ADCY8: variants seen among roughly 807,000 people sequenced by gnomAD.
The protein encoded by ADCY8 is adenylate cyclase type 8.
A neutral mutation model predicts 119.7 loss-of-function variants in ADCY8; 51 were observed. The ratio of observed to expected loss-of-function variants is 0.43; its 90% CI spans 0.34 to 0.54. The LOEUF (loss-of-function observed/expected upper bound fraction) is 0.54, where lower values mean the gene tolerates loss of function less well. ADCY8 is among the 20% of genes least tolerant of loss of function. ADCY8 has a pLI of 0.03. For synonymous variants in ADCY8, 665 were observed against 651.0 expected, an observed-to-expected ratio of 1.02 and a Z score of -0.33; for missense variants, 1,383 against 1,598.8, an observed-to-expected ratio of 0.87 and a Z score of 2.30.
intron 5 of ADCY8, among the ~76,000 whole-genome samples, chr8:130,926,082 T>C (rs1820457692): frequency 2.0e-5 from 3 of 152,190 alleles, no homozygotes; most frequent in Non-Finnish European, 2.9e-5. Flanking sequence ...CCTAACCCTA[T>C]TGTTTTAATT....
chr8:130,792,380 G>A (rs1397388399), intron 15 of ADCY8, among the ~76,000 whole-genome samples: 1 of 152,136 alleles, frequency 6.6e-6, no homozygotes, highest in African/African-American at 2.4e-5. Flanking sequence ...TCTTACAGCT[G>A]TAAATACAAT....
intron 1 of ADCY8, among the ~76,000 whole-genome samples, chr8:131,032,703 G>A (rs529611009): frequency 2.4e-4 from 36 of 152,270 alleles, no homozygotes; most frequent in Non-Finnish European, 4.4e-4. Flanking sequence ...TCTGGCTTCC[G>A]AAGCACTGCT....
chr8:130,830,111 T>C (rs999654260), intron 12 of ADCY8, among the ~76,000 whole-genome samples: 1 of 152,120 alleles, frequency 6.6e-6, no homozygotes, highest in East Asian at 1.9e-4. Context: ...TAAGAAGAAA[T>C]TACTTAGGCA....
intron 1 of ADCY8, among the ~76,000 whole-genome samples, chr8:130,992,408 T>C (rs1236106842): frequency 9.0e-5 from 3 of 33,208 alleles, no homozygotes; most frequent in African/African-American, 3.6e-4. Context: ...TATATATATA[T>C]ATATATATAT....
Position 131,040,370 on chromosome 8 carries a change from G to T in ADCY8, c.-37C>A. On this transcript the variant is annotated 5_prime_UTR_variant, in exon 1 of 18. Transcript: ENST00000286355. The stretch of plus-strand genomic sequence containing the variant: ...GCAGGGAAGGAGGCCCAGAACCTTG[G>T]GGAGGCAGCCGGAGGAGGGGTTCCT... 1 of 1,455,582 alleles carries T rather than the reference G, an allele frequency of 6.9e-7. No homozygotes were observed. 90.2% of individuals were successfully genotyped at this position (1,455,582 alleles called of 1,614,324 possible).
intron 8 of ADCY8, among the ~76,000 whole-genome samples, chr8:130,869,856 T>G (rs1377986553): frequency 1.3e-5 from 2 of 151,926 alleles, no homozygotes; most frequent in African/African-American, 4.8e-5. Context: ...TTGCGTAGAT[T>G]TGATAATGAA....
rs191205966 is a variant in ADCY8, at chr8:130,979,811, C to T, written c.1110+10582G>A. Among the ~76,000 whole-genome samples, 7 of 152,198 alleles carry T rather than the reference C, an allele frequency of 4.6e-5. No individual in the cohort carries two copies. The East Asian group carries it at 7.7e-4, about 17-fold the overall frequency. On this transcript the variant is annotated intron_variant, in intron 2 of 17. Transcript: ENST00000286355. Reference sequence around the variant, plus strand: ...CACATAGTAAATGCTATATCAGAGCCAGTCACTGTTACTTCCATCCAGGCA... The same window carrying T: ...CACATAGTAAATGCTATATCAGAGCTAGTCACTGTTACTTCCATCCAGGCA...
intron 1 of ADCY8, among the ~76,000 whole-genome samples, chr8:130,998,911 A>AT (rs1263202300): frequency 6.6e-6 from 1 of 152,296 alleles, no homozygotes; most frequent in East Asian, 1.9e-4. Flanking sequence ...CTGAATACAA[A>AT]TATCCAGGGA....
chr8:130,987,127 TA>T (rs1353136860), intron 2 of ADCY8, among the ~76,000 whole-genome samples: 3 of 152,224 alleles, frequency 2.0e-5, no homozygotes, highest in African/African-American at 7.2e-5. Flanking sequence ...GGAATTCTCA[TA>T]AATCCTTCTG....
chr8:130,821,208 G>A, intron 13 of ADCY8, 134 bp downstream of exon 13: 1 of 639,818 alleles, frequency 1.6e-6, no homozygotes, highest in Non-Finnish European at 2.7e-6. Context: ...GTCTTTATTA[G>A]GAATTGATTC....
intron 1 of ADCY8, among the ~76,000 whole-genome samples, chr8:131,026,315 A>C (rs931991510): frequency 6.6e-6 from 1 of 152,184 alleles, no homozygotes; most frequent in Non-Finnish European, 1.5e-5. Flanking sequence ...GGCCCTCACC[A>C]GGCACCAAAT....
intron 13 of ADCY8, among the ~76,000 whole-genome samples, 177 bp from the exon 14 acceptor site, chr8:130,814,404 A>G (rs570141532): frequency 6.6e-6 from 1 of 152,332 alleles, no homozygotes; most frequent in Non-Finnish European, 1.5e-5. Context: ...GAGAATGATT[A>G]GGTTTCACAG....
At chr8:131,021,428 G>T (rs1175067848) in intron 1 of ADCY8, among the ~76,000 whole-genome samples, 1 of 152,136 alleles carries the variant, frequency 6.6e-6, no homozygotes, top group Non-Finnish European at 1.5e-5. Context: ...CTCCCAGAGG[G>T]ATCAGACACC....
chr8:131,024,662 G>T (rs1003515309), intron 1 of ADCY8, among the ~76,000 whole-genome samples: 1 of 152,154 alleles, frequency 6.6e-6, no homozygotes, highest in Non-Finnish European at 1.5e-5. Context: ...ACAATTGTTT[G>T]TCAATTAATT....
At chr8:130,822,298 A>G (rs1816534321) in intron 12 of ADCY8, among the ~76,000 whole-genome samples, 1 of 152,190 alleles carries the variant, frequency 6.6e-6, no homozygotes, top group Non-Finnish European at 1.5e-5. Flanking sequence ...TAGGTACAGG[A>G]CATCTATTTT....
chr8:130,943,280 T>G, intron 4 of ADCY8, 71 bp downstream of exon 4: 1 of 1,126,264 alleles, frequency 8.9e-7, no homozygotes, highest in Non-Finnish European at 1.3e-6. Flanking sequence ...GGCTGAATCC[T>G]TCTCTTTCCT....
chr8:130,826,627 T>C (rs937370292), intron 12 of ADCY8, among the ~76,000 whole-genome samples: 4 of 152,172 alleles, frequency 2.6e-5, no homozygotes, highest in Admixed American at 6.5e-5. Flanking sequence ...CTAACATTAT[T>C]GGTATAATCT....
At chr8:130,949,082 G>C (rs1336022129) in intron 3 of ADCY8, among the ~76,000 whole-genome samples, 1 of 151,948 alleles carries the variant, frequency 6.6e-6, no homozygotes, top group Non-Finnish European at 1.5e-5. Flanking sequence ...AAATTTTAAT[G>C]TACTGTGGCG....
intron 8 of ADCY8, among the ~76,000 whole-genome samples, chr8:130,875,506 TC>T (rs1211299736): frequency 6.6e-6 from 1 of 152,214 alleles, no homozygotes; most frequent in East Asian, 1.9e-4. Context: ...ATGGAGTGGT[TC>T]AACAAATTCT....
Sources: allele counts gnomAD v4.1 joint callset (sites outside exome capture counted in the v4.1 genomes callset), GRCh38; gene constraint gnomAD v4.1.1; transcripts MANE v1.5; gene names NCBI Gene and HGNC (gene_info 2026-07-23, HGNC 2026-07-21).